SIK2: variants seen among roughly 807,000 people sequenced by gnomAD.
SIK2 encodes the protein serine/threonine-protein kinase SIK2.
Under a neutral mutation model 103.2 loss-of-function variants are expected in SIK2, and 29 were observed. The observed-to-expected ratio is 0.28, with a 90% CI of 0.21 to 0.38. The LOEUF is 0.38. SIK2 is among the 10% of genes least tolerant of loss of function. SIK2 has a pLI of 1.00. For synonymous variants in SIK2, 412 were observed against 446.1 expected, an observed-to-expected ratio of 0.92 and a Z score of 0.96; for missense variants, 879 against 1,171.0, an observed-to-expected ratio of 0.75 and a Z score of 3.64.
chr11:111,705,004 CT>C lies in SIK2; in HGVS notation c.967del (p.Tyr323IlefsTer15). 1 of 1,606,920 alleles carries C rather than the reference CT, an allele frequency of 6.2e-7. No individual in the cohort carries two copies. Among genetic ancestry groups the C allele is most frequent in the Non-Finnish European group, 8.5e-7 (1 of 1,177,456 alleles). On this transcript the variant is annotated frameshift_variant, in exon 8 of 15. Transcript: ENST00000304987. LOFTEE classifies it high-confidence loss of function. This position sits in a 1 kb window ranked among gnomAD's most constrained non-coding sequence, Gnocchi z 4.3. ...KTIESLQNKS[Y>X]NHFAAIYFLL... is the part of the protein sequence containing the mutation. ...TATTTCAGTCTTTGCAGAACAAGAGCTATAACCACTTTGCTGCCATTTATTT... is the reference window on the plus strand; with the variant it reads ...TATTTCAGTCTTTGCAGAACAAGAGCATAACCACTTTGCTGCCATTTATTT...
At chr11:111,607,386 A>G (rs543264959) in intron 1 of SIK2, among the ~76,000 whole-genome samples, 1 of 152,340 alleles carries the variant, frequency 6.6e-6, no homozygotes, top group Non-Finnish European at 1.5e-5. Context: ...TTAAAATTGC[A>G]TTTTTATAGC....
At chr11:111,627,945 A>G (rs1340215988) in intron 3 of SIK2, among the ~76,000 whole-genome samples, 1 of 152,122 alleles carries the variant, frequency 6.6e-6, no homozygotes, top group African/African-American at 2.4e-5. Flanking sequence ...ATGTTTTACC[A>G]TTCTCTCTTT....
chr11:111,692,717 A>C (rs1942977098), intron 4 of SIK2, among the ~76,000 whole-genome samples: 2 of 152,194 alleles, frequency 1.3e-5, no homozygotes, highest in Admixed American at 1.3e-4. Context: ...GAACTCTTAA[A>C]TCTTAATGGA....
intron 13 of SIK2, 30 bp downstream of exon 13, chr11:111,721,970 A>C (rs747963961): frequency 9.4e-6 from 14 of 1,487,308 alleles, no homozygotes. Context: ...AGTCCACCTC[A>C]CTCTGCTCAT....
chr11:111,671,839 C>T (rs1942631929), intron 3 of SIK2: 5 of 407,848 alleles, frequency 1.2e-5, no homozygotes, highest in Non-Finnish European at 2.4e-5. Flanking sequence ...GCTTGTTGAT[C>T]TCATCCTCCT....
At chr11:111,633,101 A>T (rs938538046) in intron 3 of SIK2, among the ~76,000 whole-genome samples, 1 of 152,174 alleles carries the variant, frequency 6.6e-6, no homozygotes, top group Non-Finnish European at 1.5e-5. Context: ...TAAATCTCTG[A>T]TTCAAACTCT....
intron 3 of SIK2, among the ~76,000 whole-genome samples, chr11:111,670,055 AATT>A (rs909065379): frequency 1.3e-5 from 2 of 152,162 alleles, no homozygotes; most frequent in African/African-American, 4.8e-5. Flanking sequence ...ATCCTATTAT[AATT>A]ATTCTCCTCC....
chr11:111,687,796 G>A (rs1351607937), intron 3 of SIK2, among the ~76,000 whole-genome samples: 2 of 151,598 alleles, frequency 1.3e-5, no homozygotes, highest in Non-Finnish European at 2.9e-5. Context: ...TAGTAGAGAC[G>A]GGGTTTCACC....
chr11:111,653,036 T>G (rs1028686554), intron 3 of SIK2, among the ~76,000 whole-genome samples: 2 of 152,178 alleles, frequency 1.3e-5, no homozygotes, highest in Non-Finnish European at 2.9e-5. Context: ...TCCTTGGGTA[T>G]GGGATCCAGG....
rs561346989 is a variant in SIK2, at chr11:111,698,262, G to A, written c.479-2624G>A. Reference sequence around the variant, plus strand: ...GCAGAGGTTGAAACTGGGCTACCACGGGTCCAGAGAAGTGTTCCCAGCTCT... The same window carrying A: ...GCAGAGGTTGAAACTGGGCTACCACAGGTCCAGAGAAGTGTTCCCAGCTCT... On this transcript the variant is annotated intron_variant, in intron 4 of 14. Coordinates refer to ENST00000304987, the MANE Select transcript of SIK2 (RefSeq NM_015191.3). 1.5e-3 allele frequency among the ~76,000 whole-genome samples: 226 copies of A among 152,286 alleles called. 2 individuals are homozygous for A. Among genetic ancestry groups the A allele is most frequent in the African/African-American group, 5.3e-3 (220 of 41,562 alleles).
chr11:111,639,044 G>C (rs1050899699), intron 3 of SIK2, among the ~76,000 whole-genome samples: 1 of 152,162 alleles, frequency 6.6e-6, no homozygotes, highest in Non-Finnish European at 1.5e-5. Context: ...GGTTGCAGTA[G>C]CCCTATGCTA....
chr11:111,678,099 C>T (rs1942728997), intron 3 of SIK2, among the ~76,000 whole-genome samples: 1 of 152,164 alleles, frequency 6.6e-6, no homozygotes, highest in Non-Finnish European at 1.5e-5. Flanking sequence ...GTGTTAGCCT[C>T]ATTGGTCTCC....
chr11:111,712,936 G>A (rs1409754590), intron 9 of SIK2, among the ~76,000 whole-genome samples: 36 of 152,128 alleles, frequency 2.4e-4, no homozygotes, highest in Admixed American at 2.1e-3. Flanking sequence ...AGGCCGAGGC[G>A]GGCAGATTGC....
At chr11:111,630,176 C>A (rs1453754548) in intron 3 of SIK2, among the ~76,000 whole-genome samples, 1 of 152,100 alleles carries the variant, frequency 6.6e-6, no homozygotes, top group Non-Finnish European at 1.5e-5. Flanking sequence ...CAACAACATG[C>A]ATACATCTTA....
intron 3 of SIK2, among the ~76,000 whole-genome samples, chr11:111,653,086 G>A (rs760340533): frequency 6.6e-5 from 10 of 152,104 alleles, no homozygotes; most frequent in Admixed American, 2.0e-4. Context: ...TGATTCTTAC[G>A]GACGCTAAAG....
At chr11:111,675,969 G>A (rs1232072692) in intron 3 of SIK2, among the ~76,000 whole-genome samples, 3 of 152,118 alleles carry the variant, frequency 2.0e-5, no homozygotes, top group Admixed American at 2.0e-4. Flanking sequence ...TGTACTCAAT[G>A]TTACTCAGTG....
chr11:111,703,091 C>A, intron 6 of SIK2, 112 bp from the exon 7 acceptor site: 2 of 863,412 alleles, frequency 2.3e-6, no homozygotes, highest in Non-Finnish European at 3.6e-6. Context: ...CTTCTGCTTT[C>A]CAGTAGAGGA....
chr11:111,648,488 A>C (rs1308848202), intron 3 of SIK2, among the ~76,000 whole-genome samples: 2 of 152,072 alleles, frequency 1.3e-5, no homozygotes, highest in Non-Finnish European at 2.9e-5. Context: ...CTCATGACCT[A>C]ATCATCTCCC....
In SIK2 at chr11:111,726,913, T is replaced by C. The variant is rs1943986655; in HGVS notation, c.*2784T>C. On this transcript the variant is annotated 3_prime_UTR_variant, in exon 15 of 15. Coordinates refer to ENST00000304987, the MANE Select transcript of SIK2 (RefSeq NM_015191.3). Reference sequence around the variant, plus strand: ...GGTAAAAATTTCGTTCGGCAAAAAGTGCAATATGTGTGGTACTTTATTTTT... The same window carrying C: ...GGTAAAAATTTCGTTCGGCAAAAAGCGCAATATGTGTGGTACTTTATTTTT... 2 of 1,576,752 alleles carry C rather than the reference T, an allele frequency of 1.3e-6. No individual in the cohort carries two copies.
Sources: allele counts gnomAD v4.1 joint callset (sites outside exome capture counted in the v4.1 genomes callset), GRCh38; gene constraint gnomAD v4.1.1; non-coding constraint Gnocchi (gnomAD v3.1); transcripts MANE v1.5; gene names NCBI Gene and HGNC (gene_info 2026-07-23, HGNC 2026-07-21).